CACNA1C: variants seen among roughly 807,000 people sequenced by gnomAD.
CACNA1C encodes calcium voltage-gated channel subunit alpha1 C, also known as voltage-dependent L-type calcium channel subunit alpha-1C.
CACNA1C carries 30 observed loss-of-function variants against 229.0 expected under a neutral mutation model. That is an observed-to-expected ratio of 0.13 (90% CI 0.10 to 0.18). The LOEUF is 0.18. Ranked by LOEUF, CACNA1C falls within the 10% of genes least tolerant of loss-of-function variation. The pLI is 1.00. For synonymous variants in CACNA1C, 1,114 were observed against 1,132.5 expected (o/e 0.98, Z 0.33); for missense variants, 1,658 against 2,845.0 (o/e 0.58, Z 9.49).
At chr12:2,162,228 A>T (rs1034577814) in intron 3 of CACNA1C, among the ~76,000 whole-genome samples, 2 of 152,016 alleles carry the variant, frequency 1.3e-5, no homozygotes, top group African/African-American at 4.8e-5. Flanking sequence ...CCCTTTCTTA[A>T]TGAGCTCCAC....
At chr12:2,101,374 A>G (rs2076346284) in intron 1 of CACNA1C, among the ~76,000 whole-genome samples, 1 of 152,190 alleles carries the variant, frequency 6.6e-6, no homozygotes, top group Admixed American at 6.5e-5. Flanking sequence ...CTGTCCTGAC[A>G]GGGTGGAGCA....
At chr12:2,513,327 C>T (rs773909153) in intron 9 of CACNA1C, among the ~76,000 whole-genome samples, 22 of 152,218 alleles carry the variant, frequency 1.4e-4, no homozygotes, top group Admixed American at 3.3e-4. Context: ...CGTTTGAAAG[C>T]GCAGGCTTGT....
chr12:2,258,891 A>T (rs903722413), intron 3 of CACNA1C, among the ~76,000 whole-genome samples: 1 of 152,238 alleles, frequency 6.6e-6, no homozygotes, highest in Non-Finnish European at 1.5e-5. Flanking sequence ...TCCCTTAAAA[A>T]GTAATCCATT....
intron 1 of CACNA1C, among the ~76,000 whole-genome samples, chr12:2,098,641 T>C (rs1375563343): frequency 6.6e-6 from 1 of 152,226 alleles, no homozygotes; most frequent in East Asian, 1.9e-4. Context: ...GATCCATTAA[T>C]ATCTGTGTAT....
At chr12:2,644,568 A>G (rs1208822795) in intron 30 of CACNA1C, among the ~76,000 whole-genome samples, 2 of 152,184 alleles carry the variant, frequency 1.3e-5, no homozygotes, top group Non-Finnish European at 2.9e-5. Flanking sequence ...CAACCAGGAA[A>G]CACATCCTGC....
intron 5 of CACNA1C, among the ~76,000 whole-genome samples, chr12:2,480,279 G>A (rs918748184): frequency 4.6e-5 from 7 of 152,082 alleles, no homozygotes; most frequent in South Asian, 2.1e-4. Flanking sequence ...CCCTGGCGCC[G>A]GGACCCTCTA....
chr12:2,273,107 C>T (rs1316156556), intron 3 of CACNA1C, among the ~76,000 whole-genome samples: 2 of 152,134 alleles, frequency 1.3e-5, no homozygotes, highest in African/African-American at 4.8e-5. Context: ...CCAGGACTCC[C>T]CAACCCCTTG....
intron 25 of CACNA1C, 59 bp from the exon 26 acceptor site, chr12:2,606,925 G>A: frequency 6.3e-7 from 1 of 1,582,972 alleles, no homozygotes; most frequent in Non-Finnish European, 8.6e-7. Context: ...GTCACTGGCA[G>A]GCCAGGCGTG....
intron 3 of CACNA1C, among the ~76,000 whole-genome samples, chr12:2,429,818 T>A (rs575601923): frequency 5.3e-5 from 8 of 152,152 alleles, no homozygotes; most frequent in African/African-American, 1.9e-4. Flanking sequence ...CCATCTTAGG[T>A]GATGAGGAAG....
At chr12:2,555,486 G>T (rs1490535814) in intron 10 of CACNA1C, among the ~76,000 whole-genome samples, 1 of 152,226 alleles carries the variant, frequency 6.6e-6, no homozygotes, top group East Asian at 1.9e-4. Flanking sequence ...GACACTGAAG[G>T]TCTGGGGCTC....
chr12:2,480,401 A>G (rs1210494699), intron 5 of CACNA1C, among the ~76,000 whole-genome samples: 3 of 152,200 alleles, frequency 2.0e-5, no homozygotes, highest in Admixed American at 1.3e-4. Flanking sequence ...GTGGTACCCT[A>G]TTCTGCTTCT....
chr12:2,205,720 T>C (rs935698960), intron 3 of CACNA1C, among the ~76,000 whole-genome samples: 3 of 152,084 alleles, frequency 2.0e-5, no homozygotes, highest in Non-Finnish European at 2.9e-5. Flanking sequence ...TTGCTCAGGC[T>C]CCTATAACAA....
intron 3 of CACNA1C, among the ~76,000 whole-genome samples, chr12:2,374,819 G>T (rs1181598821): frequency 6.6e-6 from 1 of 152,216 alleles, no homozygotes; most frequent in East Asian, 1.9e-4. Flanking sequence ...GCACAGCCGG[G>T]AAAGCAAACA....
In CACNA1C at chr12:2,067,973, A is replaced by C. The variant is rs138968746; in HGVS notation, c.49+14362A>C. On this transcript the variant is annotated intron_variant, in intron 1 of 46. Coordinates refer to ENST00000399655, the MANE Select transcript of CACNA1C (RefSeq NM_000719.7). This position sits in a 1 kb window ranked among gnomAD's most constrained non-coding sequence, Gnocchi z 5.3. ...TGCGATTTTATATCCTTATAATTAT[A>C]TCAGAATATCAAATTCCTGAGAACA... 0.013 allele frequency among the ~76,000 whole-genome samples: 2,015 copies of C among 152,268 alleles called. 49 individuals carry two copies. The highest frequency in any genetic ancestry group is 0.046 in the African/African-American group (1,932 of 41,552).
chr12:2,001,218 G>A (rs1457126282), intron 1 of CACNA1C, among the ~76,000 whole-genome samples: 1 of 152,034 alleles, frequency 6.6e-6, no homozygotes, highest in Non-Finnish European at 1.5e-5. Flanking sequence ...AGGGCAACCA[G>A]ATTTTTTTTT....
intron 7 of CACNA1C, among the ~76,000 whole-genome samples, chr12:2,500,181 A>G (rs761642207): frequency 6.6e-6 from 1 of 152,248 alleles, no homozygotes; most frequent in East Asian, 1.9e-4. Flanking sequence ...CTAAAAAACC[A>G]GCCCACAGCC....
At chr12:2,611,059 G>A (rs180849246) in intron 28 of CACNA1C, among the ~76,000 whole-genome samples, 1 of 150,288 alleles carries the variant, frequency 6.7e-6, no homozygotes, top group Non-Finnish European at 1.5e-5. Context: ...AGATGGAGGA[G>A]GGAGGGATGA....
chr12:2,179,260 C>T (rs973740480), intron 3 of CACNA1C, among the ~76,000 whole-genome samples: 12 of 152,292 alleles, frequency 7.9e-5, no homozygotes, highest in African/African-American at 2.6e-4. Flanking sequence ...GGCATCCTGC[C>T]AGGTGGAGCT....
rs1593627472 is a variant in CACNA1C at position 2,349,553 on chromosome 12, C to T, written c.478-99423C>T. Among the ~76,000 whole-genome samples, 4 of 152,222 alleles carry T rather than the reference C, an allele frequency of 2.6e-5. No individual in the cohort carries two copies. In the South Asian group the frequency reaches 6.2e-4, roughly 24 times the overall value. The stretch of plus-strand genomic sequence containing the variant: ...CAGAGAAGAGCTCCCACGTCTGCCC[C>T]CTGCCCTCCTCCCCTCTGGAATTTT... On this transcript the variant is annotated intron_variant, in intron 3 of 46. Coordinates refer to ENST00000399655, the MANE Select transcript of CACNA1C (RefSeq NM_000719.7).
Sources: allele counts gnomAD v4.1 joint callset (sites outside exome capture counted in the v4.1 genomes callset), GRCh38; gene constraint gnomAD v4.1.1; non-coding constraint Gnocchi (gnomAD v3.1); transcripts MANE v1.5; gene names NCBI Gene and HGNC (gene_info 2026-07-23, HGNC 2026-07-21).